ADGRG2: variants seen among roughly 807,000 people sequenced by gnomAD.
The protein encoded by ADGRG2 is adhesion G protein-coupled receptor G2.
ADGRG2 carries 26 observed loss-of-function variants against 74.1 expected under a neutral mutation model. The observed-to-expected ratio is 0.35, with a 90% confidence interval of 0.26 to 0.49. The LOEUF (loss-of-function observed/expected upper bound fraction) is 0.49, where lower values mean the gene tolerates loss of function less well. ADGRG2 is among the 20% of genes least tolerant of loss of function. ADGRG2 has a pLI of 0.99. For missense variants in ADGRG2, 619 were observed against 763.1 expected (o/e 0.81, Z 2.22); for synonymous variants, 296 against 295.2 (o/e 1.00, Z -0.03).
intron 11 of ADGRG2, among the ~76,000 whole-genome samples, chrX:19,025,388 A>C (rs1345172692): frequency 1.8e-5 from 2 of 110,984 alleles, no homozygotes; most frequent in Non-Finnish European, 3.8e-5. Context: ...GGTGATTTTA[A>C]TATGCAACCA....
chrX:19,073,663 G>A (rs1484957461), intron 2 of ADGRG2, among the ~76,000 whole-genome samples: 1 of 111,895 alleles, frequency 8.9e-6, no homozygotes, highest in Admixed American at 9.5e-5. Flanking sequence ...TTTAGATATA[G>A]AATAATCAAA....
In ADGRG2 at chrX:19,040,192, G is replaced by A. The variant is rs1385134474; in HGVS notation, c.151C>T (p.Pro51Ser). Residue 51 changes from proline (P) to serine (S), a missense_variant, in exon 4 of 29, where the codon CCT becomes TCT. Pro to Ser is a moderately conservative substitution (Grantham distance 74). Around this residue, in one of 3 missense-constraint regions of ADGRG2, gnomAD observed 292 missense variants for 318.0 expected, o/e 0.92. Transcript: ENST00000379869. ...GAGTTCTAAAAAAACAACTTACCAG[G>A]TGGTGGTGACAAACTGGAATTATCA... ...DTDNSSLSPP[P>S]AKLSVVSFAP... 1.7e-6 allele frequency: 2 copies of A among 1,156,543 alleles called. No individual in the cohort carries two copies. The highest frequency in any genetic ancestry group is 1.2e-6 in the Non-Finnish European group (1 of 848,101).
intron 3 of ADGRG2, among the ~76,000 whole-genome samples, chrX:19,042,181 G>A (rs1488651740): frequency 9.0e-6 from 1 of 111,468 alleles, no homozygotes; most frequent in East Asian, 2.8e-4. Context: ...ATCTTAGTAT[G>A]AGTTCATTTG....
intron 1 of ADGRG2, among the ~76,000 whole-genome samples, chrX:19,105,140 C>T (rs1265368077): frequency 1.8e-5 from 2 of 110,773 alleles, no homozygotes; most frequent in South Asian, 7.7e-4. Flanking sequence ...GCTGCTTCTT[C>T]GAGATGGAGT....
intron 3 of ADGRG2, among the ~76,000 whole-genome samples, chrX:19,045,108 A>C (rs2061150237): frequency 9.1e-6 from 1 of 109,838 alleles, no homozygotes; most frequent in Admixed American, 9.8e-5. Context: ...ATTCCTTGTT[A>C]GTGCTTGAGA....
At chrX:19,090,393 C>G (rs1235687613) in intron 1 of ADGRG2, among the ~76,000 whole-genome samples, 1 of 111,833 alleles carries the variant, frequency 8.9e-6, no homozygotes, top group Non-Finnish European at 1.9e-5. Context: ...AATGGGCCTT[C>G]GAGCCAGATG....
At chrX:19,114,805 C>T (rs1314115597) in intron 1 of ADGRG2, among the ~76,000 whole-genome samples, 1 of 111,616 alleles carries the variant, frequency 9.0e-6, no homozygotes, top group African/African-American at 3.3e-5. Context: ...CTTGCTCTAG[C>T]TAGGAGCTTG....
chrX:19,107,644 T>G (rs751990985), intron 1 of ADGRG2, among the ~76,000 whole-genome samples: 155 of 107,724 alleles, frequency 1.4e-3, no homozygotes, highest in South Asian at 6.6e-3. Context: ...TTTGTTTTTT[T>G]TTTTTTTTTC....
chrX:19,055,240 T>TTG (rs35438679), intron 3 of ADGRG2, among the ~76,000 whole-genome samples: 6,180 of 103,538 alleles, frequency 0.06, 206 homozygotes, highest in African/African-American at 0.11. Flanking sequence ...GCAAATCCCT[T>TTG]TGTGTGTGTG....
chrX:19,040,625 A>G (rs2061039646), intron 3 of ADGRG2, among the ~76,000 whole-genome samples: 1 of 111,962 alleles, frequency 8.9e-6, no homozygotes, highest in Non-Finnish European at 1.9e-5. Context: ...GTTTGCATAA[A>G]TTAAACTTCC....
In ADGRG2 at chrX:19,009,504, G is replaced by A. The variant is rs1234305351; in HGVS notation, c.1422+122C>T. On this transcript the variant is annotated intron_variant, in intron 18 of 28. Coordinates refer to ENST00000379869, the MANE Select transcript of ADGRG2 (RefSeq NM_001079858.3). Reference sequence around the variant, plus strand: ...GATTCTATGGTGCCTCACTGTTCTAGATGCCAAATATTTTGAATATCACCC... The same window carrying A: ...GATTCTATGGTGCCTCACTGTTCTAAATGCCAAATATTTTGAATATCACCC... 3 of 663,388 alleles carry A rather than the reference G, an allele frequency of 4.5e-6. No individual in the cohort carries two copies. The African/African-American group carries it at 6.5e-5, about 14-fold the overall frequency. 54.7% of individuals were successfully genotyped at this position (663,388 alleles called of 1,213,427 possible).
At position 19,055,108 on chromosome X, in the gene ADGRG2, T is replaced by G. The variant is rs143703726; in HGVS notation, c.118+13609A>C. On this transcript the variant is annotated intron_variant, in intron 3 of 28. Transcript: ENST00000379869. ...GTTCTTGCTCTCCCTTATTTTACAT[T>G]TATCCTTCCTTCCCAACTGCCTGTC... 6.6e-3 allele frequency among the ~76,000 whole-genome samples: 741 copies of G among 112,109 alleles called. 3 individuals are homozygous for G. The highest frequency in any genetic ancestry group is 8.3e-3 in the Non-Finnish European group (443 of 53,163).
At chrX:19,088,284 G>A (rs1343947399) in intron 1 of ADGRG2, among the ~76,000 whole-genome samples, 2 of 111,821 alleles carry the variant, frequency 1.8e-5, no homozygotes, top group Non-Finnish European at 3.8e-5. Context: ...ACCAGAGTGA[G>A]CTTTCTTCCA....
At chrX:19,081,710 C>G (rs963442455) in intron 2 of ADGRG2, among the ~76,000 whole-genome samples, 6 of 111,874 alleles carry the variant, frequency 5.4e-5, no homozygotes, top group African/African-American at 1.9e-4. Context: ...TTATGATAGA[C>G]ATTTACATTG....
chrX:19,060,772 T>G (rs1033597726), intron 3 of ADGRG2, among the ~76,000 whole-genome samples: 1 of 110,836 alleles, frequency 9.0e-6, no homozygotes, highest in Non-Finnish European at 1.9e-5. Flanking sequence ...GGTCTCAAAC[T>G]CCTGACCTCA....
chrX:19,073,535 C>T lies in ADGRG2; in HGVS notation c.-1-4700G>A, dbSNP rs749947040. ...AACTACATGACTATATGCCGTGGTG[C>T]TTCCACTCTAAAAACTCGTTCTAGA... On this transcript the variant is annotated intron_variant, in intron 2 of 28. Coordinates refer to ENST00000379869, the MANE Select transcript of ADGRG2 (RefSeq NM_001079858.3). Among the ~76,000 whole-genome samples the T allele has an allele frequency of 2.6e-4, 29 of 111,532 alleles. No homozygotes were observed. The South Asian group carries it at 0.01, about 40-fold the overall frequency.
intron 15 of ADGRG2, among the ~76,000 whole-genome samples, chrX:19,019,034 C>A (rs767974037): frequency 1.5e-4 from 17 of 111,082 alleles, no homozygotes; most frequent in Non-Finnish European, 2.6e-4. Context: ...TTTAGTAGAG[C>A]TGGGGTTTCA....
chrX:18,996,170 A>C lies in ADGRG2; in HGVS notation c.2615-18T>G, dbSNP rs760982333. ...GAAAAATCCTAAGGAGGGAAAAAAAACCCACAATGAATTCCAAGCTAATAG... is the reference window on the plus strand; with the variant it reads ...GAAAAATCCTAAGGAGGGAAAAAAACCCCACAATGAATTCCAAGCTAATAG... On this transcript the variant is annotated intron_variant, in intron 26 of 28. Transcript: ENST00000379869. The C allele has an allele frequency of 3.8e-6, 3 of 789,132 alleles. No homozygotes were observed. The highest frequency in any genetic ancestry group is 3.2e-5 in the East Asian group (1 of 31,681). 65.0% of individuals were successfully genotyped at this position (789,132 alleles called of 1,213,427 possible). A position where few individuals can be genotyped will look rare whatever the true frequency, so the allele number is the denominator to read the frequency against.
intron 1 of ADGRG2, among the ~76,000 whole-genome samples, chrX:19,096,269 G>C (rs1352208572): frequency 9.2e-6 from 1 of 109,207 alleles, no homozygotes; most frequent in Admixed American, 9.9e-5. Flanking sequence ...AAATTAGCCA[G>C]GCATGGTAGC....
Sources: allele counts gnomAD v4.1 joint callset (sites outside exome capture counted in the v4.1 genomes callset), GRCh38; gene constraint gnomAD v4.1.1; regional missense constraint gnomAD v4.1.1; transcripts MANE v1.5; gene names NCBI Gene and HGNC (gene_info 2026-07-23, HGNC 2026-07-21).